INPP4A: variants seen among roughly 807,000 people sequenced by gnomAD.
INPP4A encodes the protein inositol polyphosphate-4-phosphatase type I A, also known as inositol polyphosphate-4-phosphatase, type I, 107kD.
In INPP4A, 33 loss-of-function variants were observed where a neutral mutation model predicts 119.8. The observed-to-expected ratio is 0.28, with a 90% CI of 0.21 to 0.37. INPP4A has a LOEUF of 0.37. INPP4A is among the 10% of genes least tolerant of loss of function. The pLI is 1.00. For synonymous variants in INPP4A, 496 were observed against 500.7 expected (o/e 0.99, Z 0.12); for missense variants, 956 against 1,289.9 (o/e 0.74, Z 3.97).
chr2:98,517,809 C>T (rs919835537), intron 1 of INPP4A, among the ~76,000 whole-genome samples: 2 of 152,150 alleles, frequency 1.3e-5, no homozygotes, highest in Admixed American at 6.5e-5. Flanking sequence ...GTTTTGTTAT[C>T]ATTTACAAAT....
Position 98,512,764 on chromosome 2 carries a change from A to C in INPP4A, c.-165-6200A>C, listed in dbSNP as rs548796018. The stretch of plus-strand genomic sequence containing the variant: ...ACAGGAACTTTGGAGAACACGTTCA[A>C]ACTGTATCAAGAGCCTTTTGTGGAC... On this transcript the variant is annotated intron_variant, in intron 1 of 24. Coordinates refer to ENST00000409851, the MANE Select transcript of INPP4A (RefSeq NM_001134225.2). 8.5e-5 allele frequency among the ~76,000 whole-genome samples: 13 copies of C among 152,310 alleles called. 1 individual carries two copies. The East Asian group carries it at 2.3e-3, about 27-fold the overall frequency.
intron 1 of INPP4A, among the ~76,000 whole-genome samples, chr2:98,488,331 T>C (rs1442620736): frequency 6.6e-6 from 1 of 152,158 alleles, no homozygotes; most frequent in African/African-American, 2.4e-5. Context: ...TATTGTAATC[T>C]CAATTTATGT....
chr2:98,474,550 C>T (rs371338373), intron 1 of INPP4A, among the ~76,000 whole-genome samples: 3 of 152,176 alleles, frequency 2.0e-5, no homozygotes, highest in Admixed American at 6.5e-5. Flanking sequence ...ATGGCCTGCC[C>T]GGGCCCTCCT....
chr2:98,527,335 T>A (rs984419731), intron 4 of INPP4A, among the ~76,000 whole-genome samples: 7 of 152,192 alleles, frequency 4.6e-5, no homozygotes, highest in African/African-American at 7.2e-5. Context: ...TAACTCAGAA[T>A]CAGTGACAAC....
chr2:98,574,937 GAGTGT>G (rs1057085865), intron 23 of INPP4A, among the ~76,000 whole-genome samples: 2 of 152,180 alleles, frequency 1.3e-5, no homozygotes, highest in African/African-American at 4.8e-5. Flanking sequence ...TAACAAGCAT[GAGTGT>G]AGAGGTGCAA....
At chr2:98,528,800 A>G (rs1688644347) in intron 4 of INPP4A, among the ~76,000 whole-genome samples, 1 of 152,206 alleles carries the variant, frequency 6.6e-6, no homozygotes, top group South Asian at 2.1e-4. Flanking sequence ...CTATTCGGCC[A>G]GGCGCAGTGG....
chr2:98,483,345 C>T (rs1678864364), intron 1 of INPP4A, among the ~76,000 whole-genome samples: 1 of 152,208 alleles, frequency 6.6e-6, no homozygotes, highest in Admixed American at 6.5e-5. Flanking sequence ...AGGAAGCAAG[C>T]ATTGCTTAGT....
intron 1 of INPP4A, among the ~76,000 whole-genome samples, chr2:98,497,959 A>G (rs879756074): frequency 1.3e-5 from 2 of 152,218 alleles, no homozygotes; most frequent in Non-Finnish European, 2.9e-5. Flanking sequence ...TCTAGAAAGT[A>G]ACTAACTTGC....
intron 22 of INPP4A, 40 bp from the exon 23 acceptor site, chr2:98,572,775 G>A (rs1697705385): frequency 7.0e-7 from 1 of 1,436,822 alleles, no homozygotes; most frequent in Non-Finnish European, 9.4e-7. Context: ...GGAGTTCCTG[G>A]GTGCGTCACC....
At position 98,591,955 on chromosome 2, in the gene INPP4A, G is replaced by C. The variant is rs1004808597; in HGVS notation, c.*4347G>C. The C allele has an allele frequency of 6.6e-6, 1 of 152,246 alleles. No individual in the cohort carries two copies. Among genetic ancestry groups the C allele is most frequent in the African/African-American group, 2.4e-5 (1 of 41,430 alleles). The allele number at this position is 152,246 out of a possible 1,614,324, so 9.4% of individuals were successfully genotyped here. On this transcript the variant is annotated 3_prime_UTR_variant, in exon 25 of 25. Transcript: ENST00000409851. ...GTAGATGTCTCTCAGTGGGCAGTGT[G>C]ACCTCTTTGGTCACTCTAAAGGGCT...
rs1575213003 is a variant in INPP4A at position 98,589,509 on chromosome 2, G to A, written c.*1901G>A. 1.7e-5 allele frequency: 3 copies of A among 181,206 alleles called. No individual in the cohort carries two copies. In the East Asian group the frequency reaches 2.7e-4, roughly 16 times the overall value. 11.2% of individuals were successfully genotyped at this position (181,206 alleles called of 1,614,324 possible). A position where few individuals can be genotyped will look rare whatever the true frequency, so the allele number is the denominator to read the frequency against. On this transcript the variant is annotated 3_prime_UTR_variant, in exon 25 of 25. Transcript: ENST00000409851. ...ACTCATCAAAGGGAATATAGCAAAT[G>A]TTGATCATCTGTCAGCAGTTTTGCA...
At chr2:98,567,912 A>G (rs1696767359) in intron 21 of INPP4A, among the ~76,000 whole-genome samples, 1 of 152,114 alleles carries the variant, frequency 6.6e-6, no homozygotes, top group Admixed American at 6.5e-5. Flanking sequence ...TGATGCTCGG[A>G]AGGCCCCTCA....
chr2:98,451,211 G>C (rs1465685425), intron 1 of INPP4A, among the ~76,000 whole-genome samples: 1 of 152,170 alleles, frequency 6.6e-6, no homozygotes, highest in Non-Finnish European at 1.5e-5. Context: ...CAGCCAGCCA[G>C]CCCAGCTGGC....
At chr2:98,513,264 T>G (rs1230555331) in intron 1 of INPP4A, among the ~76,000 whole-genome samples, 1 of 152,148 alleles carries the variant, frequency 6.6e-6, no homozygotes, top group African/African-American at 2.4e-5. Context: ...AGATGGCAGT[T>G]TTCTCCAGTG....
chr2:98,581,604 A>G, intron 24 of INPP4A: 2 of 1,556,970 alleles, frequency 1.3e-6, no homozygotes, highest in Non-Finnish European at 1.7e-6. Context: ...AGTCACCCAG[A>G]AGAACTTGAG....
intron 4 of INPP4A, among the ~76,000 whole-genome samples, chr2:98,528,892 A>G (rs960442004): frequency 1.3e-5 from 2 of 151,914 alleles, no homozygotes; most frequent in Non-Finnish European, 2.9e-5. Context: ...CCTGGCTAAC[A>G]CAGTGAAACC....
At chr2:98,464,268 G>A (rs1441101537) in intron 1 of INPP4A, among the ~76,000 whole-genome samples, 2 of 152,090 alleles carry the variant, frequency 1.3e-5, no homozygotes, top group East Asian at 3.9e-4. Flanking sequence ...GATTCATGGG[G>A]CCACATCCTC....
rs556113112 is a variant in INPP4A at position 98,498,252 on chromosome 2, G to A, written c.-165-20712G>A. Among the ~76,000 whole-genome samples the A allele has an allele frequency of 3.9e-5, 6 of 152,072 alleles. No homozygotes were observed. In the East Asian group the frequency reaches 5.8e-4, roughly 15 times the overall value. ...CTGTGGGAGATAACTGAATCATGGG[G>A]GGTGGATTCTCCCATACTGTTCTCA... On this transcript the variant is annotated intron_variant, in intron 1 of 24. Transcript: ENST00000409851.
intron 21 of INPP4A, among the ~76,000 whole-genome samples, chr2:98,567,129 C>CGT (rs769164392): frequency 6.6e-6 from 1 of 152,104 alleles, no homozygotes; most frequent in Non-Finnish European, 1.5e-5. Flanking sequence ...TTCGCTGGCA[C>CGT]GTGCCGGGAG....
Sources: allele counts gnomAD v4.1 joint callset (sites outside exome capture counted in the v4.1 genomes callset), GRCh38; gene constraint gnomAD v4.1.1; transcripts MANE v1.5; gene names NCBI Gene and HGNC (gene_info 2026-07-23, HGNC 2026-07-21).